ADGRL3: variants seen among roughly 807,000 people sequenced by gnomAD.
ADGRL3 encodes the protein calcium-independent alpha-latrotoxin receptor 3.
A neutral mutation model predicts 153.5 loss-of-function variants in ADGRL3; 62 were observed. The observed-to-expected ratio is 0.40, with a 90% CI of 0.33 to 0.50. The LOEUF (loss-of-function observed/expected upper bound fraction) is 0.50, where lower values mean the gene tolerates loss of function less well. Ranked by LOEUF, ADGRL3 falls within the 20% of genes least tolerant of loss-of-function variation. The probability of loss-of-function intolerance (pLI) is 0.47; values close to 1 mark genes in which losing one functional copy is unlikely to be tolerated. For synonymous variants in ADGRL3, 710 were observed against 672.5 expected (o/e 1.06, Z -0.86); for missense variants, 1,641 against 1,859.4 (o/e 0.88, Z 2.16).
At chr4:61,545,360 G>A (rs1000220347) in intron 4 of ADGRL3, among the ~76,000 whole-genome samples, 3 of 152,146 alleles carry the variant, frequency 2.0e-5, no homozygotes, top group African/African-American at 7.2e-5. Context: ...GTTCAGCTCA[G>A]GATCCACCCA....
intron 8 of ADGRL3, among the ~76,000 whole-genome samples, chr4:61,734,317 TTA>T (rs1446336859): frequency 1.3e-5 from 2 of 152,114 alleles, no homozygotes; most frequent in African/African-American, 4.8e-5. Flanking sequence ...AGCTAGTGTG[TTA>T]TGTTAGTCCA....
At chr4:62,003,029 T>C (rs1393572651) in intron 21 of ADGRL3, among the ~76,000 whole-genome samples, 2 of 152,122 alleles carry the variant, frequency 1.3e-5, no homozygotes, top group Non-Finnish European at 2.9e-5. Flanking sequence ...AAATATTAAT[T>C]AACGAATGTA....
chr4:61,429,581 C>T, intron 2 of ADGRL3, among the ~76,000 whole-genome samples: 1 of 152,084 alleles, frequency 6.6e-6, no homozygotes, highest in South Asian at 2.1e-4. Flanking sequence ...AGAGTTTTAT[C>T]AGTTTATTCC....
chr4:61,789,247 A>T (rs1306779843), intron 8 of ADGRL3, among the ~76,000 whole-genome samples: 2 of 152,146 alleles, frequency 1.3e-5, no homozygotes, highest in African/African-American at 2.4e-5. Context: ...TTTTCACTAA[A>T]TAATACAAGT....
At chr4:61,844,144 T>A (rs2098077892) in intron 9 of ADGRL3, among the ~76,000 whole-genome samples, 1 of 152,144 alleles carries the variant, frequency 6.6e-6, no homozygotes, top group South Asian at 2.1e-4. Flanking sequence ...TATCTTTGCT[T>A]CCTATTTGTT....
intron 13 of ADGRL3, among the ~76,000 whole-genome samples, chr4:61,914,018 C>T (rs552630826): frequency 4.6e-5 from 7 of 152,170 alleles, no homozygotes; most frequent in Admixed American, 3.9e-4. Flanking sequence ...AAATATAATA[C>T]AGTCCCTGTC....
At chr4:61,238,602 A>G (rs936808607) in intron 1 of ADGRL3, among the ~76,000 whole-genome samples, 1 of 152,074 alleles carries the variant, frequency 6.6e-6, no homozygotes, top group African/African-American at 2.4e-5. Context: ...AGCCCCAATT[A>G]CAGACAGTCA....
Position 61,234,726 on chromosome 4 carries a change from A to G in ADGRL3, c.-240+32961A>G, listed in dbSNP as rs939276696. On this transcript the variant is annotated intron_variant, in intron 1 of 26. Coordinates refer to ENST00000683033, the MANE Select transcript of ADGRL3 (RefSeq NM_001387552.1). ...GTTCAAGTGTAATTGGTGTTGTTTT[A>G]TAGAGCAGTTTTAGTGAAGGGTGGT... 4.6e-5 allele frequency among the ~76,000 whole-genome samples: 7 copies of G among 152,270 alleles called. 1 individual carries two copies. The highest frequency in any genetic ancestry group is 1.9e-4 in the East Asian group (1 of 5,172).
At chr4:61,335,238 T>G (rs1016421910) in intron 1 of ADGRL3, among the ~76,000 whole-genome samples, 1 of 152,176 alleles carries the variant, frequency 6.6e-6, no homozygotes, top group African/African-American at 2.4e-5. Flanking sequence ...AGAATGGGCT[T>G]GTATTACTTA....
Position 61,456,423 on chromosome 4 carries a change from C to A in ADGRL3, c.-173-40698C>A, listed in dbSNP as rs764849997. ...TATATCTATATATATATAGATATAT[C>A]TATATCTATATATATAGATATATCT... On this transcript the variant is annotated intron_variant, in intron 2 of 26. Coordinates refer to ENST00000683033, the MANE Select transcript of ADGRL3 (RefSeq NM_001387552.1). 2.1e-3 allele frequency among the ~76,000 whole-genome samples: 104 copies of A among 50,470 alleles called. 4 individuals are homozygous for A. Among genetic ancestry groups the A allele is most frequent in the African/African-American group, 5.3e-3 (96 of 18,214 alleles). 33.1% of individuals were successfully genotyped at this position (50,470 alleles called of 152,430 possible). A position where few individuals can be genotyped will look rare whatever the true frequency, so the allele number is the denominator to read the frequency against.
At chr4:61,808,581 G>T (rs1347662064) in intron 8 of ADGRL3, among the ~76,000 whole-genome samples, 1 of 152,054 alleles carries the variant, frequency 6.6e-6, no homozygotes, top group East Asian at 1.9e-4. Context: ...CTTTCCATTG[G>T]TGTTTACATC....
At chr4:61,581,238 A>G (rs1328511462) in intron 4 of ADGRL3, among the ~76,000 whole-genome samples, 2 of 151,950 alleles carry the variant, frequency 1.3e-5, no homozygotes, top group African/African-American at 2.4e-5. Flanking sequence ...GAGTCACCTT[A>G]CATGATTATT....
At chr4:61,598,244 A>G (rs990696644) in intron 5 of ADGRL3, among the ~76,000 whole-genome samples, 5 of 152,214 alleles carry the variant, frequency 3.3e-5, no homozygotes, top group African/African-American at 1.2e-4. Context: ...CATAAATAAT[A>G]TTAGCAGCAC....
intron 2 of ADGRL3, among the ~76,000 whole-genome samples, chr4:61,391,006 T>C (rs934725804): frequency 6.6e-6 from 1 of 152,220 alleles, no homozygotes; most frequent in African/African-American, 2.4e-5. Context: ...TAATATTTTA[T>C]TGTATAGATG....
At chr4:61,409,070 T>G (rs1346107327) in intron 2 of ADGRL3, among the ~76,000 whole-genome samples, 1 of 150,958 alleles carries the variant, frequency 6.6e-6, no homozygotes, top group Non-Finnish European at 1.5e-5. Flanking sequence ...CAGGACTATC[T>G]CTGCCTGACT....
intron 2 of ADGRL3, among the ~76,000 whole-genome samples, chr4:61,456,028 C>T (rs1011066561): frequency 6.6e-5 from 10 of 152,024 alleles, no homozygotes; most frequent in African/African-American, 1.9e-4. Flanking sequence ...GTTGGCCAGG[C>T]TGGTCTCGAA....
At chr4:62,006,053 A>G (rs2099158029) in intron 21 of ADGRL3, among the ~76,000 whole-genome samples, 1 of 111,312 alleles carries the variant, frequency 9.0e-6, no homozygotes, top group Non-Finnish European at 1.8e-5. Flanking sequence ...TTTTTGAGAA[A>G]GGGTTTTGCT....
chr4:61,262,087 C>G (rs1446967724), intron 1 of ADGRL3, among the ~76,000 whole-genome samples: 1 of 152,130 alleles, frequency 6.6e-6, no homozygotes, highest in Admixed American at 6.5e-5. Flanking sequence ...AGGTGCTCAT[C>G]ATGGAATCAA....
At chr4:61,743,789 A>C (rs2096614538) in intron 8 of ADGRL3, among the ~76,000 whole-genome samples, 1 of 152,172 alleles carries the variant, frequency 6.6e-6, no homozygotes, top group Non-Finnish European at 1.5e-5. Context: ...AGTGACGCAG[A>C]AAACGGGTGA....
Sources: allele counts gnomAD v4.1 joint callset (sites outside exome capture counted in the v4.1 genomes callset), GRCh38; gene constraint gnomAD v4.1.1; transcripts MANE v1.5; gene names NCBI Gene and HGNC (gene_info 2026-07-23, HGNC 2026-07-21).